Variants in TASP1 observed in about 807,000 individuals in gnomAD.
TASP1 encodes taspase 1, also known as threonine aspartase 1.
TASP1 carries 16 observed loss-of-function variants against 56.6 expected under a neutral mutation model. The ratio of observed to expected loss-of-function variants is 0.28; its 90% CI spans 0.19 to 0.43. The LOEUF (loss-of-function observed/expected upper bound fraction) is 0.43. Ranked by LOEUF, TASP1 falls within the 20% of genes least tolerant of loss-of-function variation. The pLI is 1.00. For synonymous variants in TASP1, 179 were observed against 184.2 expected (o/e 0.97, Z 0.23); for missense variants, 393 against 511.6 (o/e 0.77, Z 2.24).
At chr20:13,341,639 C>T in the TASP1 span, among the ~76,000 whole-genome samples, 1 of 152,128 alleles carries the variant, frequency 6.6e-6, no homozygotes, top group Non-Finnish European at 1.5e-5. Flanking sequence ...GTAATGTGGC[C>T]TTATCTTGCA....
chr20:13,624,615 G>A (rs1003092578), intron 3 of TASP1, among the ~76,000 whole-genome samples: 4 of 152,080 alleles, frequency 2.6e-5, no homozygotes, highest in African/African-American at 9.7e-5. Flanking sequence ...AGACTAGTAA[G>A]AATCAAAATA....
chr20:13,379,044 T>C, the TASP1 span, among the ~76,000 whole-genome samples: 4 of 152,200 alleles, frequency 2.6e-5, no homozygotes, highest in Non-Finnish European at 5.9e-5. Context: ...CCTCTCCGTG[T>C]CTTTTAATTG....
the TASP1 span, chr20:13,279,893 A>C: frequency 6.2e-7 from 1 of 1,613,852 alleles, no homozygotes. Flanking sequence ...GATCAGCCAG[A>C]ATATGGTGAG....
the TASP1 span, among the ~76,000 whole-genome samples, chr20:13,162,840 A>G: frequency 2.0e-5 from 3 of 152,152 alleles, no homozygotes; most frequent in Non-Finnish European, 4.4e-5. Context: ...GCTCAAATGC[A>G]GTGAGAAGCC....
chr20:13,529,977 T>C (rs1346795015), intron 9 of TASP1, among the ~76,000 whole-genome samples: 2 of 152,172 alleles, frequency 1.3e-5, no homozygotes, highest in Admixed American at 1.3e-4. Context: ...TGCTGTATTA[T>C]AACCTCCAAC....
intron 10 of TASP1, among the ~76,000 whole-genome samples, chr20:13,508,991 A>G (rs1312118864): frequency 6.6e-6 from 1 of 152,172 alleles, no homozygotes; most frequent in East Asian, 1.9e-4. Context: ...TTCTCGTTGT[A>G]TATGCAAAGG....
chr20:13,221,011 C>T, the TASP1 span, among the ~76,000 whole-genome samples: 1 of 152,146 alleles, frequency 6.6e-6, no homozygotes, highest in Non-Finnish European at 1.5e-5. Flanking sequence ...GGCGCCCCGG[C>T]TACCGCCAAA....
At chr20:13,387,184 A>ATTTTTTTT (rs779048448), downstream of TASP1, among the ~76,000 whole-genome samples, 8 of 70,702 alleles carry the variant, frequency 1.1e-4, no homozygotes, top group East Asian at 3.7e-4. Flanking sequence ...ACATGATTTC[A>ATTTTTTTT]TTTTTTTTTT....
chr20:13,205,062 G>A, the TASP1 span, among the ~76,000 whole-genome samples: 3 of 152,150 alleles, frequency 2.0e-5, no homozygotes, highest in Non-Finnish European at 4.4e-5. Flanking sequence ...GGAAAGGTCT[G>A]CTACTGAGCT....
chr20:13,599,895 T>C (rs1011130378), intron 4 of TASP1, among the ~76,000 whole-genome samples: 7 of 152,062 alleles, frequency 4.6e-5, no homozygotes, highest in African/African-American at 1.7e-4. Context: ...GTTATTCCTA[T>C]ATTTGTCTAT....
At chr20:13,551,280 C>T (rs918432514) in intron 8 of TASP1, among the ~76,000 whole-genome samples, 1 of 152,156 alleles carries the variant, frequency 6.6e-6, no homozygotes, top group African/African-American at 2.4e-5. Flanking sequence ...GTCTGATTAA[C>T]TTTCATTTCA....
At chr20:13,418,284 GACA>G (rs985630983) in intron 12 of TASP1, among the ~76,000 whole-genome samples, 1 of 152,138 alleles carries the variant, frequency 6.6e-6, no homozygotes, top group African/African-American at 2.4e-5. Flanking sequence ...CCAGAGCTGG[GACA>G]GAGAAAATAT....
chr20:13,518,785 T>TA (rs969828698), intron 10 of TASP1, among the ~76,000 whole-genome samples: 1 of 152,014 alleles, frequency 6.6e-6, no homozygotes, highest in African/African-American at 2.4e-5. Context: ...AGCCAAGAGC[T>TA]AAAAATAGAA....
At chr20:13,371,789 C>T in the TASP1 span, among the ~76,000 whole-genome samples, 1 of 152,072 alleles carries the variant, frequency 6.6e-6, no homozygotes, top group Admixed American at 6.6e-5. Context: ...TGTTTTTCCC[C>T]TCGATCATGT....
At chr20:13,442,267 TACACAGAC>T (rs113318153) in intron 11 of TASP1, among the ~76,000 whole-genome samples, 3 of 149,546 alleles carry the variant, frequency 2.0e-5, no homozygotes, top group Admixed American at 6.6e-5. Flanking sequence ...CACACACACA[TACACAGAC>T]ACACAGACAC....
At chr20:13,352,098 G>A in the TASP1 span, among the ~76,000 whole-genome samples, 4 of 152,160 alleles carry the variant, frequency 2.6e-5, no homozygotes, top group Admixed American at 2.0e-4. Flanking sequence ...GCAGAAAACA[G>A]GAATATCTAG....
At chr20:13,306,564 C>CA in the TASP1 span, among the ~76,000 whole-genome samples, 4,568 of 63,828 alleles carry the variant, frequency 0.072, 295 homozygotes, top group Non-Finnish European at 0.082. Flanking sequence ...GGAGAAAGGA[C>CA]AAAAAAAAAA....
At chr20:13,388,634 C>G (rs1300600871), downstream of TASP1, among the ~76,000 whole-genome samples, 10 of 152,172 alleles carry the variant, frequency 6.6e-5, no homozygotes, top group Admixed American at 6.5e-4. Flanking sequence ...GTGATCCAAT[C>G]CAGTTCCTGA....
downstream of TASP1, among the ~76,000 whole-genome samples, chr20:13,387,807 A>T (rs1158611848): frequency 6.6e-6 from 1 of 152,234 alleles, no homozygotes; most frequent in Non-Finnish European, 1.5e-5. Flanking sequence ...TCCTTTCTCC[A>T]CATCAAGTTC....
Sources: gnomAD v4.1 joint callset for allele counts (sites outside exome capture counted in the v4.1 genomes callset) on GRCh38, gnomAD v4.1.1 for gene constraint, MANE v1.5 for transcripts, NCBI Gene and HGNC (gene_info 2026-07-23, HGNC 2026-07-21) for gene names.